ZNF827: variants seen among roughly 807,000 people sequenced by gnomAD.
ZNF827 encodes zinc finger protein 827.
Under a neutral mutation model 102.4 loss-of-function variants are expected in ZNF827, and 13 were observed. The observed-to-expected ratio is 0.13, with a 90% CI of 0.08 to 0.20. The LOEUF is 0.20. ZNF827 is among the 10% of genes least tolerant of loss of function. ZNF827 has a pLI of 1.00. For synonymous variants in ZNF827, 523 were observed against 536.2 expected (o/e 0.98, Z 0.34); for missense variants, 1,103 against 1,344.4 (o/e 0.82, Z 2.81).
Position 145,903,011 on chromosome 4 carries a change from A to G in ZNF827, c.248T>C (p.Leu83Pro). The G allele has an allele frequency of 6.2e-7, 1 of 1,614,200 alleles. No individual in the cohort carries two copies. Among genetic ancestry groups the G allele is most frequent in the Non-Finnish European group, 8.5e-7 (1 of 1,180,032 alleles). Residue 83 changes from leucine to proline, a missense_variant, in exon 2 of 15, where the codon CTG (leucine) becomes CCG (proline). Leu to Pro is a moderately conservative substitution (Grantham distance 98, BLOSUM62 -3). Around this residue, in one of 5 missense-constraint regions of ZNF827, gnomAD observed 441 missense variants for 458.6 expected, o/e 0.96. Coordinates refer to ENST00000508784, the MANE Select transcript of ZNF827 (RefSeq NM_001306215.2). ...CAGGACCTCACTGTCCAGTGCCACC[A>G]GCTCCAACGTGTGGCTGCTGGGAGT... ...STTPSSHTLE[L>P]VALDSEVLRD... is the part of the protein sequence containing the mutation.
At chr4:145,769,141 C>T (rs534375791) in intron 11 of ZNF827, among the ~76,000 whole-genome samples, 34 of 151,910 alleles carry the variant, frequency 2.2e-4, no homozygotes, top group Middle Eastern at 6.8e-3. Flanking sequence ...GCAGACAACT[C>T]TTACTTCAGT....
At chr4:145,936,633 C>G (rs1004670678) in intron 1 of ZNF827, among the ~76,000 whole-genome samples, 3 of 152,092 alleles carry the variant, frequency 2.0e-5, no homozygotes, top group African/African-American at 7.2e-5. Flanking sequence ...GCAGCCCGCG[C>G]CCCCCTCCCG....
At chr4:145,909,588 A>AG (rs1752120830) in intron 1 of ZNF827, among the ~76,000 whole-genome samples, 1 of 152,290 alleles carries the variant, frequency 6.6e-6, no homozygotes, top group African/African-American at 2.4e-5. Context: ...CACTGAAGCC[A>AG]GGGGGCGGGT....
At chr4:145,923,414 G>T (rs1753212433) in intron 1 of ZNF827, among the ~76,000 whole-genome samples, 2 of 151,258 alleles carry the variant, frequency 1.3e-5, no homozygotes, top group African/African-American at 4.9e-5. Flanking sequence ...AGACCAGCCT[G>T]GCCAACGTGG....
intron 8 of ZNF827, among the ~76,000 whole-genome samples, chr4:145,787,278 C>T (rs1016271868): frequency 7.9e-5 from 12 of 152,040 alleles, no homozygotes; most frequent in African/African-American, 2.7e-4. Context: ...GCCTGGCCAA[C>T]ATAGTGACAC....
chr4:145,904,885 G>A (rs1450096408), intron 1 of ZNF827, among the ~76,000 whole-genome samples: 2 of 152,216 alleles, frequency 1.3e-5, no homozygotes, highest in African/African-American at 4.8e-5. Context: ...TGTTGTCAAA[G>A]CATTGTTCTG....
At position 145,888,491 on chromosome 4, in the gene ZNF827, C is replaced by T. The variant is rs375530835; in HGVS notation, c.1267-2333G>A. Reference sequence around the variant, plus strand: ...TCAGGTGCTGTTACATCATTAGGGCCATCTCTTCACCATTGGGGCCATTTC... The same window carrying T: ...TCAGGTGCTGTTACATCATTAGGGCTATCTCTTCACCATTGGGGCCATTTC... On this transcript the variant is annotated intron_variant, in intron 3 of 14. Coordinates refer to ENST00000508784, the MANE Select transcript of ZNF827 (RefSeq NM_001306215.2). Among the ~76,000 whole-genome samples the T allele has an allele frequency of 1.4e-4, 22 of 152,280 alleles. No homozygotes were observed. The East Asian group carries it at 2.3e-3, about 16-fold the overall frequency.
intron 11 of ZNF827, among the ~76,000 whole-genome samples, chr4:145,772,198 T>C (rs1210517297): frequency 1.3e-5 from 2 of 152,204 alleles, no homozygotes; most frequent in East Asian, 1.9e-4. Flanking sequence ...CACAAATATA[T>C]TCATTCACTG....
chr4:145,790,250 G>C (rs1348766016), intron 8 of ZNF827, among the ~76,000 whole-genome samples: 1 of 152,144 alleles, frequency 6.6e-6, no homozygotes, highest in Non-Finnish European at 1.5e-5. Context: ...TGTTTGGGCA[G>C]ATATAAGAAT....
In ZNF827 at chr4:145,761,407, T is replaced by C; in HGVS notation, c.*209A>G. 7.8e-7 allele frequency: 1 copy of C among 1,289,894 alleles called. No individual in the cohort carries two copies. Among genetic ancestry groups the C allele is most frequent in the Non-Finnish European group, 1.0e-6 (1 of 988,876 alleles). 79.9% of individuals were successfully genotyped at this position (1,289,894 alleles called of 1,614,324 possible). A position where few individuals can be genotyped will look rare whatever the true frequency, so the allele number is the denominator to read the frequency against. ...GTGCTCGATGAGCTTGTTGGCGGTCTTGGACAGGTAGCCGCACTGGTCGCA... is the reference window on the plus strand; with the variant it reads ...GTGCTCGATGAGCTTGTTGGCGGTCCTGGACAGGTAGCCGCACTGGTCGCA... On this transcript the variant is annotated 3_prime_UTR_variant, in exon 15 of 15. Transcript: ENST00000508784. This position sits in a 1 kb window ranked among gnomAD's most constrained non-coding sequence, Gnocchi z 6.8.
At chr4:145,777,210 T>A (rs6835987) in intron 9 of ZNF827, among the ~76,000 whole-genome samples, 1 of 152,218 alleles carries the variant, frequency 6.6e-6, no homozygotes, top group African/African-American at 2.4e-5. Flanking sequence ...GGAGCCCCAC[T>A]GTCCAGATAA....
chr4:145,926,664 G>A (rs572130597), intron 1 of ZNF827, among the ~76,000 whole-genome samples: 20 of 152,200 alleles, frequency 1.3e-4, no homozygotes, highest in South Asian at 4.2e-4. Context: ...AAGCATTATC[G>A]CATGAGTTTA....
At chr4:145,798,181 C>G (rs1422727666) in intron 8 of ZNF827, among the ~76,000 whole-genome samples, 1 of 152,160 alleles carries the variant, frequency 6.6e-6, no homozygotes, top group African/African-American at 2.4e-5. Context: ...AGACAGCCTG[C>G]TCCTTTCAAG....
Position 145,774,689 on chromosome 4 carries a change from A to C in ZNF827, c.2694-17T>G. The C allele has an allele frequency of 1.9e-6, 3 of 1,609,794 alleles. No homozygotes were observed. Among genetic ancestry groups the C allele is most frequent in the Non-Finnish European group, 2.5e-6 (3 of 1,177,202 alleles). On this transcript the variant is annotated splice_polypyrimidine_tract_variant and intron_variant, in intron 10 of 14. Transcript: ENST00000508784. The stretch of plus-strand genomic sequence containing the variant: ...ACGTGACAACTACATGAAAGGGTAA[A>C]AGAAAAGAGGGGGAGAGAAAAGGGT...
chr4:145,763,542 TTC>T lies in ZNF827; in HGVS notation c.3231-422_3231-421del, dbSNP rs1734835682. ...CAAAAGCATCAGAATTCACTGTGCA[TTC>T]TCCCCAATGGCTTCAGAGGCTGGGG... On this transcript the variant is annotated intron_variant, in intron 13 of 14. Coordinates refer to ENST00000508784, the MANE Select transcript of ZNF827 (RefSeq NM_001306215.2). The surrounding 1 kb of genome is among the most constrained non-coding windows in gnomAD (Gnocchi z 4.6). Among the ~76,000 whole-genome samples the T allele has an allele frequency of 1.3e-5, 2 of 152,302 alleles. No homozygotes were observed. Among genetic ancestry groups the T allele is most frequent in the African/African-American group, 4.8e-5 (2 of 41,564 alleles).
intron 8 of ZNF827, among the ~76,000 whole-genome samples, chr4:145,790,190 C>A (rs1739472297): frequency 6.6e-6 from 1 of 152,114 alleles, no homozygotes; most frequent in Non-Finnish European, 1.5e-5. Flanking sequence ...CTATAATTTA[C>A]TATAAAATAT....
chr4:145,764,990 G>T lies in ZNF827; in HGVS notation c.3228C>A (p.Leu1076=). The T allele has an allele frequency of 6.2e-7, 1 of 1,612,454 alleles. No individual in the cohort carries two copies. The highest frequency in any genetic ancestry group is 8.5e-7 in the Non-Finnish European group (1 of 1,179,128). ...GGTTCTGTACTTGCTTTCCTTACTT[G>T]AGCCCACCGGTGGGGACAGTGTGGC... ...KKCHTVPTGG[L]NSGQW The change falls in exon 13 of 15, where the codon CTC becomes CTA. Residue 1076 remains leucine, a splice_region_variant and synonymous_variant. Transcript: ENST00000508784.
chr4:145,904,475 G>C (rs991990226), intron 1 of ZNF827, among the ~76,000 whole-genome samples: 1 of 152,230 alleles, frequency 6.6e-6, no homozygotes, highest in African/African-American at 2.4e-5. Flanking sequence ...AGGTGGTCAA[G>C]GTGGAGCTTC....
At chr4:145,779,275 C>T in intron 9 of ZNF827, 99 bp downstream of exon 9, 1 of 1,453,810 alleles carries the variant, frequency 6.9e-7, no homozygotes, top group South Asian at 1.4e-5. Flanking sequence ...ATTCCCAGCA[C>T]TTCCTGTAAT....
Sources: gnomAD v4.1 joint callset for allele counts (sites outside exome capture counted in the v4.1 genomes callset) on GRCh38, gnomAD v4.1.1 for gene constraint, gnomAD v4.1.1 regional missense constraint, Gnocchi (gnomAD v3.1) non-coding constraint, MANE v1.5 for transcripts, NCBI Gene and HGNC (gene_info 2026-07-23, HGNC 2026-07-21) for gene names.